ARHGEF4: variants seen among roughly 807,000 people sequenced by gnomAD.
ARHGEF4 encodes the protein Rho guanine nucleotide exchange factor 4.
In ARHGEF4, 119 loss-of-function variants were observed where a neutral mutation model predicts 162.0. That is an observed-to-expected ratio of 0.73 (90% CI 0.63 to 0.86). The LOEUF is 0.86. ARHGEF4 is among the 40% of genes least tolerant of loss of function. The probability of loss-of-function intolerance (pLI) is 0.00; values close to 1 mark genes in which losing one functional copy is unlikely to be tolerated. For missense variants in ARHGEF4, 2,488 were observed against 2,456.0 expected, an observed-to-expected ratio of 1.01 and a Z score of -0.28; for synonymous variants, 1,014 against 979.9, an observed-to-expected ratio of 1.03 and a Z score of -0.65.
rs1487473870 is a variant in ARHGEF4, at chr2:131,045,371, T to C, written c.5404T>C (p.Phe1802Leu). The change falls in exon 13 of 14, where the codon TTC (phenylalanine) becomes CTC (leucine). Residue 1802 changes from phenylalanine to leucine, a missense_variant and splice_region_variant. Physicochemically the swap from Phe to Leu is conservative, Grantham distance 22 (BLOSUM62 0). Around this residue, in one of 6 missense-constraint regions of ARHGEF4, gnomAD observed 415 missense variants for 512.4 expected, o/e 0.81. Coordinates refer to ENST00000409359, the MANE Select transcript of ARHGEF4 (RefSeq NM_001367493.1). ...CCTCACCTGTGCCCCTTCCTCAGGC[T>C]TCTCCATCACTGAACTGCAGAGGAA... ...EQVQLDQETGFSITELQRKQA... is the reference protein window; with the variant it reads ...EQVQLDQETGLSITELQRKQA... The C allele has an allele frequency of 1.2e-6, 2 of 1,612,788 alleles. No homozygotes were observed. The highest frequency in any genetic ancestry group is 2.2e-5 in the East Asian group (1 of 44,884).
chr2:130,840,387 G>T (rs1420403688), intron 1 of ARHGEF4, among the ~76,000 whole-genome samples: 1 of 152,214 alleles, frequency 6.6e-6, no homozygotes, highest in Admixed American at 6.5e-5. Flanking sequence ...AGGTCCCCAT[G>T]TCTCCTGCAC....
At chr2:130,982,149 C>T (rs1686162229) in intron 4 of ARHGEF4, among the ~76,000 whole-genome samples, 2 of 152,250 alleles carry the variant, frequency 1.3e-5, no homozygotes, top group African/African-American at 2.4e-5. Flanking sequence ...CAGGCACCCA[C>T]CACCACGCCC....
At chr2:131,032,209 G>T (rs1384502530) in intron 5 of ARHGEF4, among the ~76,000 whole-genome samples, 2 of 151,946 alleles carry the variant, frequency 1.3e-5, no homozygotes, top group Admixed American at 1.3e-4. Context: ...TGGGGCCGAG[G>T]AGGGGGAACA....
rs1055331823 is a variant in ARHGEF4, at chr2:130,965,992, A to G, written c.3985+19357A>G. On this transcript the variant is annotated intron_variant, in intron 4 of 13. Coordinates refer to ENST00000409359, the MANE Select transcript of ARHGEF4 (RefSeq NM_001367493.1). ...GGCAGGGTTTAAAACAACATGATGT[A>G]GTCAGAGTTGATGTGAGACCCAGAA... 3.3e-5 allele frequency among the ~76,000 whole-genome samples: 5 copies of G among 152,272 alleles called. 1 individual carries two copies. The highest frequency in any genetic ancestry group is 2.0e-4 in the Admixed American group (3 of 15,294).
Position 131,040,111 on chromosome 2 carries a change from G to A in ARHGEF4, c.4401G>A (p.Lys1467=), listed in dbSNP as rs1466567420. 7 of 1,612,788 alleles carry A rather than the reference G, an allele frequency of 4.3e-6. No individual in the cohort carries two copies. In the African/African-American group the frequency reaches 5.3e-5, roughly 12 times the overall value. The change falls in exon 7 of 14, where the codon AAG becomes AAA. Residue 1467 remains lysine (K), a synonymous_variant. Coordinates refer to ENST00000409359, the MANE Select transcript of ARHGEF4 (RefSeq NM_001367493.1). ...GCGGGGCGGAGGCGCAGAGCAGCAA[G>A]GACCAGATGCGGACCAACGTCATCA... ...EDGGAEAQSS[K]DQMRTNVINE...
At chr2:130,880,139 A>G (rs1256779166) in intron 1 of ARHGEF4, among the ~76,000 whole-genome samples, 4 of 152,156 alleles carry the variant, frequency 2.6e-5, no homozygotes, top group African/African-American at 4.8e-5. Context: ...CCTGAGACTT[A>G]CTGATTTGCC....
rs186455716 is a variant in ARHGEF4, at chr2:130,839,318, G to C, written c.39+2326G>C. ...GTGTCCCCAGGGATTGGTCCTATGA[G>C]GTACCCCTGATGATGGGTGCTGGAC... On this transcript the variant is annotated intron_variant, in intron 1 of 13. Coordinates refer to ENST00000409359, the MANE Select transcript of ARHGEF4 (RefSeq NM_001367493.1). 8.4e-3 allele frequency among the ~76,000 whole-genome samples: 1,285 copies of C among 152,288 alleles called. 8 individuals are homozygous for C. The highest frequency in any genetic ancestry group is 0.015 in the Non-Finnish European group (1,039 of 68,018).
At chr2:130,846,072 C>T (rs900478444) in intron 1 of ARHGEF4, among the ~76,000 whole-genome samples, 19 of 152,346 alleles carry the variant, frequency 1.2e-4, no homozygotes, top group Admixed American at 9.8e-4. Context: ...AGGCCCACCT[C>T]GGCCAGAAGG....
intron 3 of ARHGEF4, among the ~76,000 whole-genome samples, chr2:130,944,054 T>G (rs1683465525): frequency 1.3e-5 from 2 of 152,250 alleles, no homozygotes; most frequent in South Asian, 4.1e-4. Flanking sequence ...AACATACTTT[T>G]GCTGGATATA....
chr2:131,013,775 A>G (rs1435599324), intron 4 of ARHGEF4, among the ~76,000 whole-genome samples: 4 of 151,948 alleles, frequency 2.6e-5, no homozygotes, highest in Non-Finnish European at 2.9e-5. Flanking sequence ...TAATTTTTGT[A>G]TTTTTAGTAG....
intron 1 of ARHGEF4, among the ~76,000 whole-genome samples, chr2:130,899,662 G>A (rs534854816): frequency 6.6e-6 from 1 of 152,304 alleles, no homozygotes; most frequent in African/African-American, 2.4e-5. Context: ...CTCTGGGGAT[G>A]GAGAGGACTG....
chr2:130,960,438 C>G (rs1424107196), intron 4 of ARHGEF4, among the ~76,000 whole-genome samples: 5 of 152,142 alleles, frequency 3.3e-5, no homozygotes, highest in Non-Finnish European at 7.3e-5. Context: ...AGCCTAGGAG[C>G]AGTAGGCTCT....
intron 1 of ARHGEF4, among the ~76,000 whole-genome samples, chr2:130,878,792 G>A (rs1356749761): frequency 6.6e-6 from 1 of 152,192 alleles, no homozygotes; most frequent in Non-Finnish European, 1.5e-5. Context: ...AAAGATAAAT[G>A]AAATATGGTC....
At chr2:130,853,565 G>A (rs1165310354) in intron 1 of ARHGEF4, among the ~76,000 whole-genome samples, 2 of 152,226 alleles carry the variant, frequency 1.3e-5, no homozygotes, top group South Asian at 4.1e-4. Context: ...GGCCTCCTGT[G>A]TGTCCCCTGG....
At chr2:130,992,264 T>G (rs887345233) in intron 4 of ARHGEF4, among the ~76,000 whole-genome samples, 3 of 152,158 alleles carry the variant, frequency 2.0e-5, no homozygotes, top group African/African-American at 4.8e-5. Context: ...GCAGGCTGCC[T>G]GCGCTAGCAC....
intron 1 of ARHGEF4, among the ~76,000 whole-genome samples, chr2:130,880,459 G>T (rs774301103): frequency 3.5e-4 from 53 of 152,150 alleles, no homozygotes; most frequent in South Asian, 4.1e-4. Flanking sequence ...CCTGGGACAG[G>T]GATAGAAGTG....
intron 4 of ARHGEF4, among the ~76,000 whole-genome samples, chr2:131,001,052 C>G (rs1558833423): frequency 6.6e-6 from 1 of 152,036 alleles, no homozygotes. Flanking sequence ...CACCTGTGAT[C>G]CCAGCACTTT....
At chr2:130,849,004 G>A (rs1340957932) in intron 1 of ARHGEF4, among the ~76,000 whole-genome samples, 1 of 151,320 alleles carries the variant, frequency 6.6e-6, no homozygotes, top group African/African-American at 2.4e-5. Flanking sequence ...CTGCCCACCT[G>A]TGCACCCCCC....
chr2:130,877,042 A>G lies in ARHGEF4; in HGVS notation c.40-36944A>G, dbSNP rs144903879. On this transcript the variant is annotated intron_variant, in intron 1 of 13. Transcript: ENST00000409359. ...TTGGGGCTTTTAGTGCCAAAGTAAG[A>G]TTATGAGGAAGCCCTCCATGGTGGC... is the stretch of plus-strand genomic sequence containing the variant. Among the ~76,000 whole-genome samples, 90 of 152,320 alleles carry G rather than the reference A, an allele frequency of 5.9e-4. No individual in the cohort carries two copies. In the East Asian group the frequency reaches 0.01, roughly 17 times the overall value.
Sources: allele counts gnomAD v4.1 joint callset (sites outside exome capture counted in the v4.1 genomes callset), GRCh38; gene constraint gnomAD v4.1.1; regional missense constraint gnomAD v4.1.1; transcripts MANE v1.5; gene names NCBI Gene and HGNC (gene_info 2026-07-23, HGNC 2026-07-21).